Variants in MRPS27 observed in about 807,000 individuals in gnomAD.
MRPS27 encodes small ribosomal subunit protein mS27.
In MRPS27, 43 loss-of-function variants were observed where a neutral mutation model predicts 48.9. The observed-to-expected ratio is 0.88, with a 90% CI of 0.69 to 1.13. The LOEUF (loss-of-function observed/expected upper bound fraction) is 1.13. Ranked by LOEUF, MRPS27 falls within the 50% of genes most tolerant of loss-of-function variation. MRPS27 has a pLI of 0.00. For missense variants in MRPS27, 467 were observed against 476.3 expected (o/e 0.98, Z 0.18); for synonymous variants, 188 against 171.9 (o/e 1.09, Z -0.73).
intron 4 of MRPS27, among the ~76,000 whole-genome samples, chr5:72,288,343 G>C (rs540109488): frequency 5.9e-5 from 9 of 152,110 alleles, no homozygotes; most frequent in Non-Finnish European, 1.3e-4. Context: ...ATGTAGCTGG[G>C]TCTACAGGCG....
At chr5:72,222,112 G>A (rs2111927475) in intron 10 of MRPS27, among the ~76,000 whole-genome samples, 1 of 152,326 alleles carries the variant, frequency 6.6e-6, no homozygotes, top group South Asian at 2.1e-4. Flanking sequence ...GGCCTAGTGT[G>A]AGAGTCAATC....
At chr5:72,256,541 C>T (rs1342326276) in intron 4 of MRPS27, among the ~76,000 whole-genome samples, 2 of 152,176 alleles carry the variant, frequency 1.3e-5, no homozygotes, top group Non-Finnish European at 2.9e-5. Flanking sequence ...TTTCATTATG[C>T]AAATTATATT....
chr5:72,301,507 T>A (rs894220067), intron 2 of MRPS27, among the ~76,000 whole-genome samples: 1 of 152,210 alleles, frequency 6.6e-6, no homozygotes, highest in Non-Finnish European at 1.5e-5. Flanking sequence ...AAGATCAGGA[T>A]CTATGGCCTA....
At chr5:72,273,321 T>G (rs988814450) in intron 4 of MRPS27, among the ~76,000 whole-genome samples, 1 of 152,240 alleles carries the variant, frequency 6.6e-6, no homozygotes, top group Non-Finnish European at 1.5e-5. Flanking sequence ...AATTTTGTTT[T>G]TTAACAAATG....
chr5:72,247,714 C>T (rs910778571), intron 4 of MRPS27, among the ~76,000 whole-genome samples: 1 of 152,154 alleles, frequency 6.6e-6, no homozygotes, highest in African/African-American at 2.4e-5. Flanking sequence ...TATTTCAGTG[C>T]AATTCATCTT....
chr5:72,306,733 T>C (rs573863397), intron 2 of MRPS27, among the ~76,000 whole-genome samples: 1 of 152,206 alleles, frequency 6.6e-6, no homozygotes, highest in Admixed American at 6.5e-5. Flanking sequence ...TTTTTTAGAA[T>C]AGTATGATTA....
At chr5:72,236,484 ACC>A (rs1748201545) in intron 5 of MRPS27, among the ~76,000 whole-genome samples, 2 of 152,064 alleles carry the variant, frequency 1.3e-5, no homozygotes, top group Admixed American at 1.3e-4. Flanking sequence ...AAAATTCTAG[ACC>A]CTCCTAGTTT....
At chr5:72,313,998 C>CAT in intron 2 of MRPS27, 83 bp downstream of exon 2, 1 of 1,011,472 alleles carries the variant, frequency 9.9e-7, no homozygotes, top group Non-Finnish European at 1.5e-6. Context: ...AGCATAATTT[C>CAT]ATATATACGT....
At chr5:72,288,342 G>C (rs541933680) in intron 4 of MRPS27, among the ~76,000 whole-genome samples, 1 of 152,036 alleles carries the variant, frequency 6.6e-6, no homozygotes, top group Non-Finnish European at 1.5e-5. Context: ...CATGTAGCTG[G>C]GTCTACAGGC....
chr5:72,304,939 A>T (rs1750221357), intron 2 of MRPS27, among the ~76,000 whole-genome samples: 1 of 152,240 alleles, frequency 6.6e-6, no homozygotes, highest in Admixed American at 6.5e-5. Flanking sequence ...ACAGATTATT[A>T]TTGTCCTTCC....
intron 1 of MRPS27, 47 bp downstream of exon 1, chr5:72,320,085 GCCCACCGCTCCCTTCAC>G: frequency 6.5e-7 from 1 of 1,535,852 alleles, no homozygotes; most frequent in Non-Finnish European, 9.0e-7. Flanking sequence ...CCTCTTGAAA[GCCCACCGCTCCCTTCAC>G]CCAAAAAACA....
chr5:72,291,457 T>C (rs1239543617), intron 4 of MRPS27, among the ~76,000 whole-genome samples: 3 of 152,166 alleles, frequency 2.0e-5, no homozygotes, highest in African/African-American at 7.2e-5. Context: ...TGGTAACATA[T>C]GTGCTGCTTT....
chr5:72,257,600 G>C (rs1748843113), intron 4 of MRPS27, among the ~76,000 whole-genome samples: 1 of 152,202 alleles, frequency 6.6e-6, no homozygotes, highest in African/African-American at 2.4e-5. Context: ...TGGGAAGAAA[G>C]AATAAGAATA....
chr5:72,265,055 A>G (rs776769867), intron 4 of MRPS27, among the ~76,000 whole-genome samples: 1 of 152,250 alleles, frequency 6.6e-6, no homozygotes, highest in Non-Finnish European at 1.5e-5. Flanking sequence ...TAAGGCAGCA[A>G]CAAGATTTCA....
At chr5:72,319,980 G>T in intron 1 of MRPS27, 169 bp downstream of exon 1, 1 of 664,496 alleles carries the variant, frequency 1.5e-6, no homozygotes, top group Non-Finnish European at 2.7e-6. Context: ...TTATTTTAGG[G>T]AAGGAAATGG....
At chr5:72,280,934 T>C (rs1749517869) in intron 4 of MRPS27, among the ~76,000 whole-genome samples, 2 of 152,220 alleles carry the variant, frequency 1.3e-5, no homozygotes, top group Admixed American at 6.5e-5. Context: ...TATGACAGAT[T>C]TGATTTGCTG....
chr5:72,249,963 G>A (rs893008754), intron 4 of MRPS27, among the ~76,000 whole-genome samples: 15 of 152,032 alleles, frequency 9.9e-5, no homozygotes, highest in Admixed American at 2.6e-4. Context: ...CAGCCTGGGC[G>A]ACAGAACGAG....
At chr5:72,282,809 T>C (rs1381493162) in intron 4 of MRPS27, among the ~76,000 whole-genome samples, 2 of 152,168 alleles carry the variant, frequency 1.3e-5, no homozygotes, top group Non-Finnish European at 2.9e-5. Context: ...ACTAAATATA[T>C]TCACAAACAA....
chr5:72,289,961 G>C (rs1370512833), intron 4 of MRPS27, among the ~76,000 whole-genome samples: 1 of 152,202 alleles, frequency 6.6e-6, no homozygotes. Flanking sequence ...TGAAGATGAG[G>C]ACACTAAGTG....
Sources: allele counts gnomAD v4.1 joint callset (sites outside exome capture counted in the v4.1 genomes callset), GRCh38; gene constraint gnomAD v4.1.1; transcripts MANE v1.5; gene names NCBI Gene and HGNC (gene_info 2026-07-23, HGNC 2026-07-21).